The following OR4N2 variants were observed in gnomAD, a reference collection of about 807,000 sequenced individuals.
The protein encoded by OR4N2 is olfactory receptor 4N2.
For missense variants in OR4N2, 307 were observed against 377.6 expected, an observed-to-expected ratio of 0.81 and a Z score of 1.55; for synonymous variants, 141 against 140.4, an observed-to-expected ratio of 1.00 and a Z score of -0.03.
chr14:19,818,504 C>T (rs1321361921), intron 1 of OR4N2, among the ~76,000 whole-genome samples: 34 of 152,224 alleles, frequency 2.2e-4, no homozygotes, highest in Admixed American at 5.2e-4. Flanking sequence ...GGATTGCAAC[C>T]GCTGCTTTTT....
chr14:19,824,190 G>A (rs1004651245), intron 1 of OR4N2, among the ~76,000 whole-genome samples: 9 of 151,960 alleles, frequency 5.9e-5, no homozygotes, highest in African/African-American at 1.7e-4. Flanking sequence ...ATCATATATG[G>A]ATTTTTTTTT....
intron 1 of OR4N2, among the ~76,000 whole-genome samples, chr14:19,821,189 C>T (rs1879556682): frequency 1.3e-5 from 2 of 152,260 alleles, no homozygotes; most frequent in South Asian, 4.1e-4. Context: ...GAGGGAGTTC[C>T]CTGAACCCTT....
chr14:19,806,751 G>A (rs1177415278), intron 1 of OR4N2, among the ~76,000 whole-genome samples: 1 of 152,060 alleles, frequency 6.6e-6, no homozygotes, highest in Non-Finnish European at 1.5e-5. Context: ...CAACAACCAT[G>A]GAATATTCAT....
At chr14:19,815,655 G>GTTTTTT (rs59019427) in intron 1 of OR4N2, among the ~76,000 whole-genome samples, 14 of 138,512 alleles carry the variant, frequency 1.0e-4, no homozygotes, top group Non-Finnish European at 9.3e-5. Flanking sequence ...GTTTTTTTTT[G>GTTTTTT]TTTTTTTTTT....
At chr14:19,827,098 A>G (rs1282715880) in intron 1 of OR4N2, among the ~76,000 whole-genome samples, 1 of 152,218 alleles carries the variant, frequency 6.6e-6, no homozygotes, top group East Asian at 1.9e-4. Flanking sequence ...AGACCTTCAG[A>G]TTTGAAGTTA....
At position 19,828,100 on chromosome 14, in the gene OR4N2, T is replaced by C; in HGVS notation, c.652T>C (p.Tyr218His). 6.2e-7 allele frequency: 1 copy of C among 1,614,244 alleles called. No individual in the cohort carries two copies. The highest frequency in any genetic ancestry group is 8.5e-7 in the Non-Finnish European group (1 of 1,180,038). The stretch of plus-strand genomic sequence containing the variant: ...GTGCTTTCTGGGGCTTCTGGCCTCC[T>C]ATGCAGTCATTCTTTGTCGCATACG... Reference protein sequence around the residue: ...LLCFLGLLASYAVILCRIRGS... With the variant: ...LLCFLGLLASHAVILCRIRGS... Residue 218 changes from tyrosine (Y) to histidine (H), a missense_variant, in exon 2 of 2, where the codon TAT (tyrosine) becomes CAT (histidine). Tyr to His is a moderately conservative substitution (Grantham distance 83). Coordinates refer to ENST00000557677, the MANE Select transcript of OR4N2 (RefSeq NM_001004723.3).
At chr14:19,824,636 C>T (rs1297676379) in intron 1 of OR4N2, among the ~76,000 whole-genome samples, 10 of 152,246 alleles carry the variant, frequency 6.6e-5, no homozygotes, top group African/African-American at 2.2e-4. Context: ...CACAGAAAAA[C>T]TAACCCTTCC....
At chr14:19,804,949 C>T (rs767572695) in intron 1 of OR4N2, among the ~76,000 whole-genome samples, 2 of 152,284 alleles carry the variant, frequency 1.3e-5, no homozygotes, top group African/African-American at 2.4e-5. Context: ...TCATGTAATA[C>T]CCTTCTTTGT....
intron 1 of OR4N2, among the ~76,000 whole-genome samples, chr14:19,808,261 A>C (rs1879213537): frequency 6.6e-6 from 1 of 152,310 alleles, no homozygotes; most frequent in East Asian, 1.9e-4. Context: ...AAGAAATAAA[A>C]GACATCCAAA....
chr14:19,823,387 C>T (rs1239529153), intron 1 of OR4N2, among the ~76,000 whole-genome samples: 1 of 152,136 alleles, frequency 6.6e-6, no homozygotes, highest in African/African-American at 2.4e-5. Context: ...TCAGCGTTGG[C>T]CAACTGCAAG....
intron 1 of OR4N2, among the ~76,000 whole-genome samples, chr14:19,816,804 C>T (rs1277994771): frequency 7.9e-5 from 12 of 152,226 alleles, no homozygotes; most frequent in South Asian, 2.1e-4. Flanking sequence ...CAGTTTTTGC[C>T]CATTCGGTAT....
intron 1 of OR4N2, among the ~76,000 whole-genome samples, chr14:19,812,648 G>A (rs1466104774): frequency 1.3e-5 from 2 of 152,130 alleles, no homozygotes; most frequent in African/African-American, 2.4e-5. Flanking sequence ...GTGAGCCACC[G>A]TGCCCAGCCA....
chr14:19,807,644 T>C (rs1193352665), intron 1 of OR4N2, among the ~76,000 whole-genome samples: 1 of 151,900 alleles, frequency 6.6e-6, no homozygotes, highest in Non-Finnish European at 1.5e-5. Context: ...ACAGCTGAAT[T>C]CTACCAGATT....
chr14:19,821,349 C>T (rs1405537513), intron 1 of OR4N2, among the ~76,000 whole-genome samples: 1 of 152,198 alleles, frequency 6.6e-6, no homozygotes, highest in African/African-American at 2.4e-5. Context: ...GTTGGTCTTG[C>T]TGGGAGTTGC....
At chr14:19,818,657 T>TAA (rs1278831279) in intron 1 of OR4N2, among the ~76,000 whole-genome samples, 1 of 152,212 alleles carries the variant, frequency 6.6e-6, no homozygotes, top group African/African-American at 2.4e-5. Context: ...CTGTGTATTC[T>TAA]AACTGGGGAC....
At chr14:19,806,702 A>T (rs1398079439) in intron 1 of OR4N2, among the ~76,000 whole-genome samples, 1 of 152,204 alleles carries the variant, frequency 6.6e-6, no homozygotes, top group Non-Finnish European at 1.5e-5. Context: ...TTGACACTTG[A>T]CTAATTGGAC....
rs1879786320 is a variant in OR4N2, at chr14:19,828,482, C to G, written c.*110C>G. On this transcript the variant is annotated 3_prime_UTR_variant, in exon 2 of 2. Coordinates refer to ENST00000557677, the MANE Select transcript of OR4N2 (RefSeq NM_001004723.3). The stretch of plus-strand genomic sequence containing the variant: ...ACTGAGTACCTCCCATTTGTCAGGA[C>G]TATTCTGGGAACTGAAAAAAGAAAT... 2 of 1,132,230 alleles carry G rather than the reference C, an allele frequency of 1.8e-6. No individual in the cohort carries two copies. The highest frequency in any genetic ancestry group is 2.5e-6 in the Non-Finnish European group (2 of 811,236). 70.1% of individuals were successfully genotyped at this position (1,132,230 alleles called of 1,614,324 possible).
intron 1 of OR4N2, among the ~76,000 whole-genome samples, chr14:19,824,804 T>C (rs1879651365): frequency 6.6e-6 from 1 of 152,280 alleles, no homozygotes; most frequent in Non-Finnish European, 1.5e-5. Flanking sequence ...AGGATTATAG[T>C]ATATAATACA....
At chr14:19,813,867 CTA>C (rs1879362171) in intron 1 of OR4N2, among the ~76,000 whole-genome samples, 1 of 139,738 alleles carries the variant, frequency 7.2e-6, no homozygotes, top group Non-Finnish European at 1.5e-5. Flanking sequence ...AGTCATACAA[CTA>C]TCTTTCCATT....
Sources: allele counts gnomAD v4.1 joint callset (sites outside exome capture counted in the v4.1 genomes callset), GRCh38; gene constraint gnomAD v4.1.1; transcripts MANE v1.5; gene names NCBI Gene and HGNC (gene_info 2026-07-23, HGNC 2026-07-21).